NLGN4Y: variants seen among roughly 807,000 people sequenced by gnomAD.
NLGN4Y encodes neuroligin-4, Y-linked.
NLGN4Y carries 4 observed loss-of-function variants against 8.4 expected under a neutral mutation model. That is an observed-to-expected ratio of 0.48 (90% CI 0.23 to 1.09). NLGN4Y has a LOEUF of 1.09. Among genes scored for constraint, NLGN4Y ranks in the 50% least tolerant of loss-of-function variants. The pLI is 0.19. For missense variants in NLGN4Y, 90 were observed against 192.3 expected, an observed-to-expected ratio of 0.47 and a Z score of 3.15; for synonymous variants, 35 against 75.6, an observed-to-expected ratio of 0.46 and a Z score of 2.78.
chrY:14,798,409 C>T, intron 4 of NLGN4Y, among the ~76,000 whole-genome samples: 1 of 33,131 alleles, frequency 3.0e-5, no homozygotes, highest in Non-Finnish European at 7.4e-5. Context: ...ACCAAAACTG[C>T]CTTTCTCTCC....
At chrY:14,715,462 A>G in intron 2 of NLGN4Y, among the ~76,000 whole-genome samples, 1 of 33,493 alleles carries the variant, frequency 3.0e-5, no homozygotes, top group African/African-American at 1.2e-4. Context: ...CTATGCAGCC[A>G]TAAAAAAGGA....
chrY:14,703,123 C>G (rs2080860799), intron 2 of NLGN4Y, among the ~76,000 whole-genome samples: 2 of 33,154 alleles, frequency 6.0e-5, no homozygotes, highest in South Asian at 6.8e-4. Flanking sequence ...CCTGTTCACT[C>G]TGATGGTAGT....
At chrY:14,592,411 G>A (rs2080375132) in intron 1 of NLGN4Y, among the ~76,000 whole-genome samples, 1 of 32,624 alleles carries the variant, frequency 3.1e-5, no homozygotes, top group Admixed American at 2.8e-4. Flanking sequence ...ATCAGTGGTA[G>A]GAGCCTTTTT....
intron 1 of NLGN4Y, among the ~76,000 whole-genome samples, chrY:14,619,304 CTA>C (rs2080500153): frequency 2.9e-5 from 1 of 34,262 alleles, no homozygotes; most frequent in South Asian, 6.4e-4. Flanking sequence ...AGGTTACATA[CTA>C]TCTCATTTAA....
chrY:14,713,783 T>G (rs1469566699), intron 2 of NLGN4Y, among the ~76,000 whole-genome samples: 3 of 34,132 alleles, frequency 8.8e-5, no homozygotes, highest in Non-Finnish European at 2.2e-4. Flanking sequence ...ATTAATAACA[T>G]AAAGTACTAT....
At chrY:14,526,402 C>T in intron 1 of NLGN4Y, among the ~76,000 whole-genome samples, 1 of 33,069 alleles carries the variant, frequency 3.0e-5, no homozygotes, top group Non-Finnish European at 7.4e-5. Context: ...ATGCATTCTA[C>T]ACACACATGC....
chrY:14,606,409 T>C, intron 1 of NLGN4Y, among the ~76,000 whole-genome samples: 1 of 33,025 alleles, frequency 3.0e-5, no homozygotes, highest in African/African-American at 1.2e-4. Flanking sequence ...TTACAAAGCT[T>C]CCTATTTTCT....
chrY:14,792,851 A>AGTGT (rs1569375425), intron 4 of NLGN4Y, among the ~76,000 whole-genome samples: 1,001 of 9,081 alleles, frequency 0.11, no homozygotes, highest in African/African-American at 0.44. Context: ...AGAGAGAGAG[A>AGTGT]GTGTGTGTGT....
intron 2 of NLGN4Y, among the ~76,000 whole-genome samples, chrY:14,678,869 A>G (rs2080759014): frequency 6.0e-5 from 2 of 33,274 alleles, no homozygotes; most frequent in Non-Finnish European, 1.5e-4. Flanking sequence ...TCTGCTTGGC[A>G]TAGTGGCTTA....
At chrY:14,826,837 AG>A (rs2043148670) in intron 5 of NLGN4Y, among the ~76,000 whole-genome samples, 2 of 33,461 alleles carry the variant, frequency 6.0e-5, no homozygotes, top group South Asian at 1.4e-3. Flanking sequence ...CACTTGAGCC[AG>A]GGAGGTCAAG....
chrY:14,569,145 A>G, intron 1 of NLGN4Y, among the ~76,000 whole-genome samples: 1 of 32,986 alleles, frequency 3.0e-5, no homozygotes, highest in Admixed American at 2.8e-4. Flanking sequence ...TTCAACTTTT[A>G]TTTTAAATTC....
At chrY:14,781,918 T>A in intron 4 of NLGN4Y, among the ~76,000 whole-genome samples, 1 of 33,803 alleles carries the variant, frequency 3.0e-5, no homozygotes, top group Non-Finnish European at 7.3e-5. Flanking sequence ...ATACCTTGAT[T>A]CTGAATCAAC....
At chrY:14,526,924 A>G (rs17307294) in intron 1 of NLGN4Y, among the ~76,000 whole-genome samples, 1,276 of 33,116 alleles carry the variant, frequency 0.039, no homozygotes, top group Non-Finnish European at 0.07. Flanking sequence ...GACTAATGGT[A>G]AGCATACAGA....
chrY:14,611,858 C>G, intron 1 of NLGN4Y, among the ~76,000 whole-genome samples: 2 of 32,558 alleles, frequency 6.1e-5, no homozygotes, highest in African/African-American at 2.4e-4. Flanking sequence ...GACAAGTTCT[C>G]CTGGATAATA....
intron 1 of NLGN4Y, among the ~76,000 whole-genome samples, chrY:14,535,041 G>A: frequency 3.0e-5 from 1 of 33,141 alleles, no homozygotes; most frequent in Non-Finnish European, 7.4e-5. Context: ...TAAACATTAT[G>A]TAGTTAATAT....
chrY:14,672,564 T>C (rs1603502365), intron 2 of NLGN4Y, among the ~76,000 whole-genome samples: 1 of 27,375 alleles, frequency 3.7e-5, no homozygotes, highest in Non-Finnish European at 8.7e-5. Flanking sequence ...AAAAAGCTCA[T>C]GGGTAGGAAG....
At chrY:14,799,331 C>T (rs371212852) in intron 4 of NLGN4Y, among the ~76,000 whole-genome samples, 25 of 33,613 alleles carry the variant, frequency 7.4e-4, no homozygotes, top group East Asian at 5.5e-3. Flanking sequence ...CACCCCCATC[C>T]GCCATATATA....
At chrY:14,832,189 A>C in intron 6 of NLGN4Y, among the ~76,000 whole-genome samples, 1 of 34,837 alleles carries the variant, frequency 2.9e-5, no homozygotes, top group Non-Finnish European at 7.2e-5. Flanking sequence ...AGCTGTACAC[A>C]GTAATTCTGA....
intron 1 of NLGN4Y, among the ~76,000 whole-genome samples, chrY:14,540,863 G>C (rs993930438): frequency 6.0e-5 from 2 of 33,587 alleles, no homozygotes; most frequent in African/African-American, 2.3e-4. Flanking sequence ...AGTGTAAAAG[G>C]CTGAAAATTC....
Sources: gnomAD v4.1 joint callset for allele counts (sites outside exome capture counted in the v4.1 genomes callset) on GRCh38, gnomAD v4.1.1 for gene constraint, MANE v1.5 for transcripts, NCBI Gene and HGNC (gene_info 2026-07-23, HGNC 2026-07-21) for gene names.